Variants in CUX2 observed in about 807,000 individuals in gnomAD.
The protein encoded by CUX2 is homeobox protein cut-like 2.
A neutral mutation model predicts 144.8 loss-of-function variants in CUX2; 40 were observed. The observed-to-expected ratio is 0.28, with a 90% confidence interval of 0.21 to 0.36. CUX2 has a LOEUF of 0.36. CUX2 is among the 10% of genes least tolerant of loss of function. CUX2 has a pLI of 1.00. For missense variants in CUX2, 1,615 were observed against 1,994.0 expected, an observed-to-expected ratio of 0.81 and a Z score of 3.62; for synonymous variants, 827 against 875.6, an observed-to-expected ratio of 0.94 and a Z score of 0.98.
intron 18 of CUX2, among the ~76,000 whole-genome samples, chr12:111,331,344 T>G (rs1888114210): frequency 6.6e-6 from 1 of 152,140 alleles, no homozygotes. Flanking sequence ...AATGGTTATT[T>G]TAACAAGTTT....
intron 4 of CUX2, among the ~76,000 whole-genome samples, chr12:111,269,810 C>T (rs1003353525): frequency 6.6e-6 from 1 of 152,030 alleles, no homozygotes; most frequent in Non-Finnish European, 1.5e-5. Flanking sequence ...CCCCAAAGCC[C>T]GGGAGCAGGA....
At chr12:111,269,678 C>T (rs1034818646) in intron 4 of CUX2, among the ~76,000 whole-genome samples, 2 of 152,098 alleles carry the variant, frequency 1.3e-5, no homozygotes, top group Non-Finnish European at 2.9e-5. Context: ...GGGGGGTGTT[C>T]TTATGGGACC....
chr12:111,043,535 G>A (rs1285139053), intron 1 of CUX2, among the ~76,000 whole-genome samples: 1 of 152,108 alleles, frequency 6.6e-6, no homozygotes, highest in African/African-American at 2.4e-5. Context: ...CATGGTGGCC[G>A]GGTGCGGTGG....
At chr12:111,087,366 CAAAAAAAAAA>C (rs1159500448) in intron 1 of CUX2, among the ~76,000 whole-genome samples, 8 of 45,050 alleles carry the variant, frequency 1.8e-4, no homozygotes, top group Admixed American at 3.3e-4. Flanking sequence ...GACTCCATCT[CAAAAAAAAAA>C]AAAAAAAAAA....
At chr12:111,335,566 C>T (rs1384701973) in intron 19 of CUX2, among the ~76,000 whole-genome samples, 1 of 151,838 alleles carries the variant, frequency 6.6e-6, no homozygotes, top group Non-Finnish European at 1.5e-5. Flanking sequence ...CAAAAAGTAG[C>T]CGGGTGTGGT....
chr12:111,208,576 A>T (rs1367112763), intron 1 of CUX2, among the ~76,000 whole-genome samples: 3 of 152,156 alleles, frequency 2.0e-5, no homozygotes, highest in African/African-American at 4.8e-5. Flanking sequence ...ACTATGTGTG[A>T]TGTGGGTGGG....
intron 1 of CUX2, among the ~76,000 whole-genome samples, chr12:111,092,339 G>A (rs1454525233): frequency 3.9e-5 from 6 of 152,248 alleles, no homozygotes; most frequent in Admixed American, 3.9e-4. Flanking sequence ...GTGTGGTCAG[G>A]CAGGAGGAGC....
At chr12:111,042,971 C>T (rs150326886) in intron 1 of CUX2, among the ~76,000 whole-genome samples, 7 of 152,140 alleles carry the variant, frequency 4.6e-5, no homozygotes, top group Non-Finnish European at 7.4e-5. Context: ...GCATATGAAG[C>T]GCTGAGATCC....
Position 111,310,214 on chromosome 12 carries a change from C to T in CUX2, c.1432C>T (p.Leu478=). 6.6e-7 allele frequency: 1 copy of T among 1,515,520 alleles called. No individual in the cohort carries two copies. Among genetic ancestry groups the T allele is most frequent in the Non-Finnish European group, 8.8e-7 (1 of 1,132,332 alleles). 93.9% of individuals were successfully genotyped at this position (1,515,520 alleles called of 1,614,324 possible). Residue 478 remains leucine, a synonymous_variant, in exon 15 of 22, where the codon CTG becomes TTG. Coordinates refer to ENST00000261726, the MANE Select transcript of CUX2 (RefSeq NM_015267.4). The surrounding 1 kb of genome is among the most constrained non-coding windows in gnomAD (Gnocchi z 7.9). Reference sequence around the variant, plus strand: ...GCCTGACGGCACTCGGACTTTCTCGCTGTCCCCCTTCCCCAGCCTGGCATC... The same window carrying T: ...GCCTGACGGCACTCGGACTTTCTCGTTGTCCCCCTTCCCCAGCCTGGCATC... The part of the protein sequence containing the change: ...LGPDGTRTFS[L]SPFPSLASGE...
chr12:111,347,518 C>T lies in CUX2; in HGVS notation c.3660-6C>T, dbSNP rs752013498. ...AGCCCCAGGCTCACCGCCGTCTCTG[C>T]CCCAGGTCCCGGATGCGCCGGGAGA... is the stretch of plus-strand genomic sequence containing the variant. On this transcript the variant is annotated splice_region_variant and splice_polypyrimidine_tract_variant and intron_variant, in intron 21 of 21. Transcript: ENST00000261726. 24 of 1,582,096 alleles carry T rather than the reference C, an allele frequency of 1.5e-5. No homozygotes were observed. In the Admixed American group the frequency reaches 1.6e-4, roughly 10 times the overall value.
rs564435995 is a variant in CUX2, at chr12:111,250,906, G to T, written c.223-12855G>T. On this transcript the variant is annotated intron_variant, in intron 3 of 21. Coordinates refer to ENST00000261726, the MANE Select transcript of CUX2 (RefSeq NM_015267.4). ...GCTTCATGTACTGGCCACACCCCAG[G>T]CAGGGCAGGAAACATAACTTCTGCC... 2.0e-3 allele frequency among the ~76,000 whole-genome samples: 312 copies of T among 152,256 alleles called. 3 individuals are homozygous for T. The highest frequency in any genetic ancestry group is 7.2e-3 in the African/African-American group (298 of 41,554).
At chr12:111,053,179 C>A (rs1275454581) in intron 1 of CUX2, among the ~76,000 whole-genome samples, 1 of 152,216 alleles carries the variant, frequency 6.6e-6, no homozygotes, top group African/African-American at 2.4e-5. Flanking sequence ...AAATGAGCGC[C>A]TGTACATGCA....
intron 21 of CUX2, 49 bp downstream of exon 21, chr12:111,342,102 G>A (rs770909289): frequency 6.5e-5 from 102 of 1,562,486 alleles, no homozygotes; most frequent in Non-Finnish European, 8.5e-5. Flanking sequence ...ATCCAGGTGG[G>A]ACCCCTTCCC....
intron 1 of CUX2, among the ~76,000 whole-genome samples, chr12:111,072,440 T>C (rs1250301574): frequency 6.6e-6 from 1 of 152,212 alleles, no homozygotes; most frequent in Admixed American, 6.5e-5. Flanking sequence ...CCTGCCCCCA[T>C]GCAGTTCCCT....
At chr12:111,161,854 C>T (rs754374229) in intron 1 of CUX2, among the ~76,000 whole-genome samples, 2 of 152,232 alleles carry the variant, frequency 1.3e-5, no homozygotes, top group Non-Finnish European at 2.9e-5. Flanking sequence ...CCCACTTCAG[C>T]CTCTCAAGTA....
At chr12:111,132,527 C>T (rs1219141832) in intron 1 of CUX2, among the ~76,000 whole-genome samples, 1 of 145,426 alleles carries the variant, frequency 6.9e-6, no homozygotes. Context: ...CATCAGGCTG[C>T]AAATTTTCTG....
At position 111,061,292 on chromosome 12, in the gene CUX2, C is replaced by T. The variant is rs1055544796; in HGVS notation, c.63+27052C>T. On this transcript the variant is annotated intron_variant, in intron 1 of 21. Transcript: ENST00000261726. This position sits in a 1 kb window ranked among gnomAD's most constrained non-coding sequence, Gnocchi z 4.2. ...CACAGTCCATGGCATCCTTTGCTCT[C>T]CTTTCTTCCTATTTTTATTCCTGTT... Among the ~76,000 whole-genome samples, 2 of 152,126 alleles carry T rather than the reference C, an allele frequency of 1.3e-5. No homozygotes were observed. Among genetic ancestry groups the T allele is most frequent in the African/African-American group, 4.8e-5 (2 of 41,386 alleles).
intron 18 of CUX2, among the ~76,000 whole-genome samples, chr12:111,332,042 G>A (rs993804679): frequency 2.7e-5 from 4 of 150,388 alleles, no homozygotes; most frequent in African/African-American, 9.8e-5. Context: ...TCATGCCACT[G>A]CACTCCAGCC....
At chr12:111,285,435 C>A (rs1248321296) in intron 4 of CUX2, among the ~76,000 whole-genome samples, 1 of 152,090 alleles carries the variant, frequency 6.6e-6, no homozygotes, top group East Asian at 1.9e-4. Flanking sequence ...TGGAAATCAC[C>A]CATTAGTTAG....
Sources: allele counts gnomAD v4.1 joint callset (sites outside exome capture counted in the v4.1 genomes callset), GRCh38; gene constraint gnomAD v4.1.1; non-coding constraint Gnocchi (gnomAD v3.1); transcripts MANE v1.5; gene names NCBI Gene and HGNC (gene_info 2026-07-23, HGNC 2026-07-21).